The following RB1 variants were observed in gnomAD, a reference collection of about 807,000 sequenced individuals.
RB1 encodes retinoblastoma-associated protein.
A neutral mutation model predicts 135.4 loss-of-function variants in RB1; 18 were observed. That is an observed-to-expected ratio of 0.13 (90% CI 0.09 to 0.20). RB1 has a LOEUF of 0.20. RB1 is among the 10% of genes least tolerant of loss of function. The probability of loss-of-function intolerance (pLI) is 1.00; values close to 1 mark genes in which losing one functional copy is unlikely to be tolerated. For missense variants in RB1, 868 were observed against 1,110.0 expected (o/e 0.78, Z 3.10); for synonymous variants, 365 against 373.2 (o/e 0.98, Z 0.25).
At chr13:48,395,306 A>G (rs1948639239) in intron 17 of RB1, among the ~76,000 whole-genome samples, 1 of 152,186 alleles carries the variant, frequency 6.6e-6, no homozygotes, top group Non-Finnish European at 1.5e-5. Context: ...CAGCACAAAA[A>G]GGCTGAAAAT....
Position 48,480,007 on chromosome 13 carries a change from G to A in RB1, c.2723G>A (p.Arg908Gln), listed in dbSNP as rs1432581053. ...TTCATCCTTTTTCCAGCTTCTACTC[G>A]AACACGAATGCAAAAGCAGAAAATG... ...QQKLAEMTST[R>Q]TRMQKQKMND... The change falls in exon 27 of 27, where the codon CGA (arginine) becomes CAA (glutamine). Residue 908 changes from arginine (R) to glutamine (Q), a missense_variant. Around this residue, in one of 3 missense-constraint regions of RB1, gnomAD observed 196 missense variants for 239.8 expected, o/e 0.82. Coordinates refer to ENST00000267163, the MANE Select transcript of RB1 (RefSeq NM_000321.3). The A allele has an allele frequency of 6.2e-7, 1 of 1,612,894 alleles. No individual in the cohort carries two copies. The highest frequency in any genetic ancestry group is 8.5e-7 in the Non-Finnish European group (1 of 1,179,284).
intron 17 of RB1, among the ~76,000 whole-genome samples, chr13:48,394,555 A>C (rs895992535): frequency 6.6e-6 from 1 of 152,136 alleles, no homozygotes; most frequent in Non-Finnish European, 1.5e-5. Flanking sequence ...GGGATGGTAG[A>C]GCTAGGTAGG....
chr13:48,375,609 A>G (rs1265923084), intron 12 of RB1, among the ~76,000 whole-genome samples: 1 of 151,066 alleles, frequency 6.6e-6, no homozygotes, highest in East Asian at 1.9e-4. Flanking sequence ...ACAGAGTTTC[A>G]CTCTGTTGCC....
At chr13:48,328,434 G>A in intron 2 of RB1, 3 of 1,165,168 alleles carry the variant, frequency 2.6e-6, no homozygotes, top group Non-Finnish European at 3.9e-6. Flanking sequence ...CTTTGTTGGA[G>A]GTCTGCAGCT....
intron 19 of RB1, 108 bp downstream of exon 19, chr13:48,456,457 A>T (rs1274720984): frequency 2.1e-6 from 3 of 1,426,416 alleles, no homozygotes; most frequent in Non-Finnish European, 2.9e-6. Flanking sequence ...GTCACTTAAT[A>T]TCTCTGTGTC....
chr13:48,313,572 T>C (rs1243698195), intron 2 of RB1, among the ~76,000 whole-genome samples: 1 of 149,708 alleles, frequency 6.7e-6, no homozygotes, highest in East Asian at 1.9e-4. Flanking sequence ...GAGGAAGAGG[T>C]CTAACTCCAG....
intron 13 of RB1, among the ~76,000 whole-genome samples, chr13:48,379,006 A>G (rs1448609010): frequency 1.3e-5 from 2 of 152,114 alleles, no homozygotes; most frequent in Admixed American, 1.3e-4. Flanking sequence ...TTTGGCTAAA[A>G]CTTCTTGCTC....
intron 13 of RB1, among the ~76,000 whole-genome samples, chr13:48,378,997 T>C (rs1253554918): frequency 6.6e-6 from 1 of 152,208 alleles, no homozygotes; most frequent in Non-Finnish European, 1.5e-5. Flanking sequence ...AACTAGTTAT[T>C]TGGCTAAAAC....
chr13:48,467,250 T>A, intron 23 of RB1, among the ~76,000 whole-genome samples: 1 of 125,636 alleles, frequency 8.0e-6, no homozygotes, highest in Admixed American at 8.5e-5. Flanking sequence ...TGGGGGCCAA[T>A]ATTCAACATT....
intron 17 of RB1, among the ~76,000 whole-genome samples, chr13:48,392,647 A>G (rs552470709): frequency 6.6e-6 from 1 of 151,744 alleles, no homozygotes; most frequent in East Asian, 1.9e-4. Context: ...GCTTTTCTTT[A>G]CCTTCTTGAA....
chr13:48,471,550 T>TA (rs1261847655), intron 23 of RB1, among the ~76,000 whole-genome samples: 4 of 107,594 alleles, frequency 3.7e-5, no homozygotes, highest in East Asian at 5.7e-4. Flanking sequence ...CCCTAAAACT[T>TA]AGAGTATAAT....
chr13:48,380,021 T>A (rs1278602330), intron 14 of RB1, 32 bp from the exon 15 acceptor site: 1 of 1,224,134 alleles, frequency 8.2e-7, no homozygotes. Context: ...ATTAAACAAC[T>A]TCTTTTTTTT....
intron 20 of RB1, among the ~76,000 whole-genome samples, chr13:48,461,904 C>T (rs1223689688): frequency 6.6e-6 from 1 of 152,178 alleles, no homozygotes; most frequent in Non-Finnish European, 1.5e-5. Flanking sequence ...ACGATCTCGG[C>T]TCACGGCAAT....
intron 17 of RB1, chr13:48,411,159 A>T: frequency 2.5e-6 from 1 of 407,910 alleles, no homozygotes; most frequent in Non-Finnish European, 4.4e-6. Flanking sequence ...GATTTTTTTT[A>T]ATGAAGGAAC....
In RB1 at chr13:48,319,900, C is replaced by A; in HGVS notation, c.264+12494C>A. ...ACTGGATCTCACCTGGCTGCCAGGG[C>A]CACCACCTGAGCCAGGTACAAGTTT... On this transcript the variant is annotated intron_variant, in intron 2 of 26. Coordinates refer to ENST00000267163, the MANE Select transcript of RB1 (RefSeq NM_000321.3). The surrounding 1 kb of genome is among the most constrained non-coding windows in gnomAD (Gnocchi z 5.0). 1 of 334,916 alleles carries A rather than the reference C, an allele frequency of 3.0e-6. No homozygotes were observed. The allele number at this position is 334,916 out of a possible 1,614,324, so 20.7% of individuals were successfully genotyped here.
intron 2 of RB1, among the ~76,000 whole-genome samples, chr13:48,329,818 G>A (rs1166226173): frequency 6.6e-6 from 1 of 152,108 alleles, no homozygotes; most frequent in Non-Finnish European, 1.5e-5. Flanking sequence ...GCAAGATGGT[G>A]GAATAGTAGC....
At chr13:48,336,013 A>G (rs1330938378) in intron 2 of RB1, among the ~76,000 whole-genome samples, 1 of 152,116 alleles carries the variant, frequency 6.6e-6, no homozygotes, top group African/African-American at 2.4e-5. Flanking sequence ...ATGTGAGGGC[A>G]TTTAAAAAAG....
rs58163880 is a variant in RB1 at position 48,430,765 on chromosome 13, C to CA, written c.1696-22216dup. 7.2e-4 allele frequency among the ~76,000 whole-genome samples: 108 copies of CA among 150,060 alleles called. 2 individuals carry two copies. The highest frequency in any genetic ancestry group is 2.6e-3 in the African/African-American group (104 of 40,218). Reference sequence around the variant, plus strand: ...AAAAACAAAAAAACAAACAAACAAACAAAAAAAAAAAACAGTAGAGGCCTG... The same window carrying CA: ...AAAAACAAAAAAACAAACAAACAAACAAAAAAAAAAAAACAGTAGAGGCCTG... On this transcript the variant is annotated intron_variant, in intron 17 of 26. Coordinates refer to ENST00000267163, the MANE Select transcript of RB1 (RefSeq NM_000321.3).
intron 4 of RB1, among the ~76,000 whole-genome samples, chr13:48,346,188 T>C (rs1157218125): frequency 1.2e-4 from 18 of 150,350 alleles, no homozygotes; most frequent in African/African-American, 3.9e-4. Context: ...TTAATGGAGA[T>C]AAATTATCTA....
Sources: allele counts gnomAD v4.1 joint callset (sites outside exome capture counted in the v4.1 genomes callset), GRCh38; gene constraint gnomAD v4.1.1; regional missense constraint gnomAD v4.1.1; non-coding constraint Gnocchi (gnomAD v3.1); transcripts MANE v1.5; gene names NCBI Gene and HGNC (gene_info 2026-07-23, HGNC 2026-07-21).